Variants in APP observed in about 807,000 individuals in gnomAD.
APP encodes the protein amyloid-beta precursor protein.
A neutral mutation model predicts 101.4 loss-of-function variants in APP; 31 were observed. The observed-to-expected ratio is 0.31, with a 90% CI of 0.23 to 0.41. The LOEUF (loss-of-function observed/expected upper bound fraction) is 0.41, where lower values mean the gene tolerates loss of function less well. Ranked by LOEUF, APP falls within the 10% of genes least tolerant of loss-of-function variation. The pLI, the probability that APP is intolerant of heterozygous loss-of-function variation, is 1.00. For synonymous variants in APP, 366 were observed against 364.4 expected (o/e 1.00, Z -0.05); for missense variants, 839 against 1,003.7 (o/e 0.84, Z 2.22).
At chr21:26,096,044 A>G (rs2061934514) in intron 2 of APP, among the ~76,000 whole-genome samples, 1 of 152,220 alleles carries the variant, frequency 6.6e-6, no homozygotes, top group Admixed American at 6.5e-5. Context: ...TTCCTAAATT[A>G]TAGCCACACA....
At chr21:25,982,914 G>T (rs1457856722) in intron 8 of APP, among the ~76,000 whole-genome samples, 2 of 148,474 alleles carry the variant, frequency 1.3e-5, no homozygotes, top group East Asian at 4.0e-4. Context: ...TTAGCCTGTT[G>T]TAGAATAACG....
intron 2 of APP, among the ~76,000 whole-genome samples, chr21:26,106,612 G>A (rs905047087): frequency 3.9e-5 from 6 of 152,084 alleles, no homozygotes; most frequent in African/African-American, 9.7e-5. Flanking sequence ...AAAGCGCTGC[G>A]ACTACAGGTC....
At chr21:26,149,125 T>G (rs1281214876) in intron 1 of APP, among the ~76,000 whole-genome samples, 1 of 152,196 alleles carries the variant, frequency 6.6e-6, no homozygotes, top group East Asian at 1.9e-4. Flanking sequence ...ACTGATTACT[T>G]TAGTATCTTA....
intron 17 of APP, among the ~76,000 whole-genome samples, chr21:25,886,550 C>T (rs545724522): frequency 1.4e-4 from 21 of 152,144 alleles, no homozygotes; most frequent in South Asian, 2.1e-4. Flanking sequence ...CATGCCACCA[C>T]GCCTGGCTAA....
At chr21:26,089,403 A>G (rs922625037) in intron 3 of APP, 4 of 152,126 alleles carry the variant, frequency 2.6e-5, no homozygotes, top group African/African-American at 9.7e-5. Context: ...ATTAGTAATC[A>G]GACTGTTTCC....
intron 13 of APP, among the ~76,000 whole-genome samples, chr21:25,933,123 G>C (rs749132804): frequency 6.6e-6 from 1 of 152,132 alleles, no homozygotes; most frequent in African/African-American, 2.4e-5. Flanking sequence ...CTTTGAGGAA[G>C]GGTCTCTCTC....
At chr21:26,170,790 G>A (rs538664273), upstream of APP, 39 of 670,890 alleles carry the variant, frequency 5.8e-5, no homozygotes, top group African/African-American at 7.1e-4. Context: ...GCGCGGCGGC[G>A]GGGCTCAGAG....
chr21:26,136,474 T>A (rs2062920881), intron 1 of APP, among the ~76,000 whole-genome samples: 1 of 152,158 alleles, frequency 6.6e-6, no homozygotes. Flanking sequence ...ATCATGGAAG[T>A]GTTTTGCTCC....
intron 5 of APP, among the ~76,000 whole-genome samples, chr21:26,033,780 C>A (rs917192423): frequency 1.3e-5 from 2 of 152,136 alleles, no homozygotes; most frequent in Admixed American, 1.3e-4. Flanking sequence ...GTGAAGCCTA[C>A]TGAGAACTTG....
chr21:25,890,696 G>C (rs1206770124), intron 17 of APP, among the ~76,000 whole-genome samples: 1 of 146,986 alleles, frequency 6.8e-6, no homozygotes, highest in Non-Finnish European at 1.5e-5. Context: ...CCAAGATCCA[G>C]CCTGGGCAAC....
intron 1 of APP, among the ~76,000 whole-genome samples, chr21:26,160,176 C>T (rs1215161549): frequency 6.6e-6 from 1 of 152,178 alleles, no homozygotes; most frequent in Admixed American, 6.5e-5. Context: ...CCCCCCTCTC[C>T]TATTTCACTG....
chr21:26,130,223 AC>A (rs2062764777), intron 1 of APP, among the ~76,000 whole-genome samples: 1 of 152,250 alleles, frequency 6.6e-6, no homozygotes, highest in Non-Finnish European at 1.5e-5. Flanking sequence ...TTAAGATACA[AC>A]AAAACATGTA....
intron 13 of APP, among the ~76,000 whole-genome samples, chr21:25,925,328 C>G (rs1339551268): frequency 6.6e-6 from 1 of 152,232 alleles, no homozygotes; most frequent in African/African-American, 2.4e-5. Flanking sequence ...GCCTCTGAAA[C>G]TCCCCAAGGC....
intron 11 of APP, among the ~76,000 whole-genome samples, chr21:25,956,912 A>G (rs903314057): frequency 2.0e-5 from 3 of 152,190 alleles, no homozygotes; most frequent in African/African-American, 7.2e-5. Flanking sequence ...CTAACTCATT[A>G]AATTATCTAT....
intron 13 of APP, 124 bp from the exon 14 acceptor site, chr21:25,912,086 G>C: frequency 1.3e-6 from 1 of 763,304 alleles, no homozygotes; most frequent in South Asian, 1.5e-5. Context: ...ATCGCGTTTA[G>C]AGCCATGACA....
At chr21:26,061,714 G>A (rs369523512) in intron 3 of APP, among the ~76,000 whole-genome samples, 44 of 152,254 alleles carry the variant, frequency 2.9e-4, no homozygotes, top group African/African-American at 6.3e-4. Context: ...AACTATTACC[G>A]GATAATAGTG....
At chr21:26,158,897 C>G (rs1051921894) in intron 1 of APP, among the ~76,000 whole-genome samples, 2 of 152,106 alleles carry the variant, frequency 1.3e-5, no homozygotes, top group Non-Finnish European at 2.9e-5. Flanking sequence ...ATTATTTCTC[C>G]GTCTCTTTCT....
At chr21:26,072,180 T>C (rs558388377) in intron 3 of APP, among the ~76,000 whole-genome samples, 1 of 152,206 alleles carries the variant, frequency 6.6e-6, no homozygotes, top group Non-Finnish European at 1.5e-5. Context: ...ATAACAGTTC[T>C]CACGTGCAAA....
chr21:26,013,786 A>C (rs1363211627), intron 6 of APP, among the ~76,000 whole-genome samples: 1 of 152,120 alleles, frequency 6.6e-6, no homozygotes, highest in African/African-American at 2.4e-5. Flanking sequence ...GTCTCATCAC[A>C]TTTTAAGCAA....
Sources: allele counts gnomAD v4.1 joint callset (sites outside exome capture counted in the v4.1 genomes callset), GRCh38; gene constraint gnomAD v4.1.1; transcripts MANE v1.5; gene names NCBI Gene and HGNC (gene_info 2026-07-23, HGNC 2026-07-21).